Variants in SRCIN1 observed in about 807,000 individuals in gnomAD.
SRCIN1 encodes SRC kinase signaling inhibitor 1.
In SRCIN1, 50 loss-of-function variants were observed where a neutral mutation model predicts 116.2. The ratio of observed to expected loss-of-function variants is 0.43; its 90% CI spans 0.34 to 0.54. The LOEUF (loss-of-function observed/expected upper bound fraction) is 0.54, where lower values mean the gene tolerates loss of function less well. Among genes scored for constraint, SRCIN1 ranks in the 20% least tolerant of loss-of-function variants. The probability of loss-of-function intolerance (pLI) is 0.02; values close to 1 mark genes in which losing one functional copy is unlikely to be tolerated. For missense variants in SRCIN1, 1,446 were observed against 1,672.0 expected (o/e 0.86, Z 2.36); for synonymous variants, 736 against 750.0 (o/e 0.98, Z 0.30).
At chr17:38,606,087 T>C (rs1159461653), upstream of SRCIN1, among the ~76,000 whole-genome samples, 2 of 149,030 alleles carry the variant, frequency 1.3e-5, no homozygotes, top group Admixed American at 1.3e-4. The surrounding 1 kb of genome is among the most constrained non-coding windows in gnomAD (Gnocchi z 5.2). Flanking sequence ...CACTGCGCCT[T>C]CTCGCGCCCT....
At chr17:38,576,320 C>T (rs59844294) in intron 2 of SRCIN1, among the ~76,000 whole-genome samples, 13,161 of 152,064 alleles carry the variant, frequency 0.087, 1,906 homozygotes, top group African/African-American at 0.3. Flanking sequence ...CCACAAATCC[C>T]GGCCAGTCGC....
At chr17:38,546,911 G>A (rs555432915) in intron 17 of SRCIN1, among the ~76,000 whole-genome samples, 2 of 85,616 alleles carry the variant, frequency 2.3e-5, no homozygotes, top group African/African-American at 1.3e-4. Context: ...CTTCTCCAGA[G>A]CGGAGCCCCC....
At chr17:38,583,555 T>G (rs7226029) in intron 1 of SRCIN1, among the ~76,000 whole-genome samples, 35 of 73,738 alleles carry the variant, frequency 4.7e-4, no homozygotes, top group African/African-American at 8.8e-4. Context: ...TCTGTTTTTT[T>G]TTTTTTTTTT....
At chr17:38,570,225 G>A (rs939288182) in intron 2 of SRCIN1, among the ~76,000 whole-genome samples, 2 of 152,124 alleles carry the variant, frequency 1.3e-5, no homozygotes, top group African/African-American at 4.8e-5. Context: ...CAGAGACAGA[G>A]ACATTCACAC....
At chr17:38,556,887 C>T (rs1426323541) in intron 11 of SRCIN1, among the ~76,000 whole-genome samples, 1 of 152,108 alleles carries the variant, frequency 6.6e-6, no homozygotes, top group South Asian at 2.1e-4. Context: ...TTTAGATCTC[C>T]TTTAATTTTC....
intron 1 of SRCIN1, among the ~76,000 whole-genome samples, chr17:38,590,175 G>A (rs11871591): frequency 0.017 from 2,616 of 152,264 alleles, 64 homozygotes; most frequent in African/African-American, 0.058. Context: ...CTTGAGTGAC[G>A]AGGGTTAAAC....
rs1555605492 is a variant in SRCIN1 at position 38,543,900 on chromosome 17, C to T, written c.3340G>A (p.Gly1114Ser). The T allele has an allele frequency of 6.2e-7, 1 of 1,606,074 alleles. No individual in the cohort carries two copies. Among genetic ancestry groups the T allele is most frequent in the Non-Finnish European group, 8.5e-7 (1 of 1,179,546 alleles). The change falls in exon 18 of 19, where the codon GGC becomes AGC. Residue 1114 changes from glycine (G) to serine (S), a missense_variant. By Grantham distance (56) the Gly-to-Ser change is moderately conservative (BLOSUM62 0). Transcript: ENST00000617146. ...PGASRLKAAQGQAGSPDKSKH... is the reference protein window; with the variant it reads ...PGASRLKAAQSQAGSPDKSKH... ...CTTTTGTCGGGGCTGCCCGCCTGGC[C>T]CTGGGCCGCCTTCAGCCGAGAGGCC...
At position 38,562,920 on chromosome 17, in the gene SRCIN1, C is replaced by T. The variant is rs1334856706; in HGVS notation, c.741G>A (p.Arg247=). The change falls in exon 6 of 19, where the codon CGG becomes CGA. Residue 247 remains arginine (R), a splice_region_variant and synonymous_variant. Coordinates refer to ENST00000617146, the MANE Select transcript of SRCIN1 (RefSeq NM_025248.3). This position sits in a 1 kb window ranked among gnomAD's most constrained non-coding sequence, Gnocchi z 4.2. ...TGATAATACTGCGGTCCTGGATGTCCCTGGGAGAGGCGGGGAGACGGGGGT... is the reference window on the plus strand; with the variant it reads ...TGATAATACTGCGGTCCTGGATGTCTCTGGGAGAGGCGGGGAGACGGGGGT... ...RNVFYELEDV[R]DIQDRSIIKI... 1 of 1,612,960 alleles carries T rather than the reference C, an allele frequency of 6.2e-7. No homozygotes were observed. The highest frequency in any genetic ancestry group is 1.3e-5 in the African/African-American group (1 of 74,902).
intron 1 of SRCIN1, among the ~76,000 whole-genome samples, chr17:38,584,171 G>A (rs1196823846): frequency 2.0e-5 from 3 of 152,148 alleles, no homozygotes; most frequent in East Asian, 1.9e-4. Context: ...AGAGAGAGAC[G>A]GAGGCAGGGA....
At chr17:38,583,593 C>A (rs1247568283) in intron 1 of SRCIN1, among the ~76,000 whole-genome samples, 1 of 135,982 alleles carries the variant, frequency 7.4e-6, no homozygotes, top group Admixed American at 8.0e-5. Flanking sequence ...CACTCTATGG[C>A]CCAGGCTGGA....
chr17:38,558,362 G>A lies in SRCIN1; in HGVS notation c.2066C>T (p.Thr689Met), dbSNP rs1284369836. Reference sequence around the variant, plus strand: ...CACGCGCATGCTCAGCTCTGCCTCCGTGCGCTTCAGCAGCGCGCGCACCGA... The same window carrying A: ...CACGCGCATGCTCAGCTCTGCCTCCATGCGCTTCAGCAGCGCGCGCACCGA... ...QESVRALLKR[T>M]EAELSMRVSE... The change falls in exon 11 of 19, where the codon ACG (threonine) becomes ATG (methionine). Residue 689 changes from threonine to methionine, a missense_variant. By Grantham distance (81) the Thr-to-Met change is moderately conservative. Around this residue, in one of 5 missense-constraint regions of SRCIN1, gnomAD observed 398 missense variants for 385.6 expected, o/e 1.03. Transcript: ENST00000617146. This position sits in a 1 kb window ranked among gnomAD's most constrained non-coding sequence, Gnocchi z 4.6. 1.9e-6 allele frequency: 3 copies of A among 1,607,154 alleles called. No individual in the cohort carries two copies. Among genetic ancestry groups the A allele is most frequent in the Non-Finnish European group, 1.7e-6 (2 of 1,179,382 alleles).
chr17:38,568,799 T>C lies in SRCIN1; in HGVS notation c.325-568A>G, dbSNP rs908635781. Among the ~76,000 whole-genome samples the C allele has an allele frequency of 6.6e-6, 1 of 151,758 alleles. No homozygotes were observed. The highest frequency in any genetic ancestry group is 6.6e-5 in the Admixed American group (1 of 15,240). ...TGGGAGGCTGAGGCCAGATGATGAGTGGTCATAACTGCTGAGAGAAAGTAT... is the reference window on the plus strand; with the variant it reads ...TGGGAGGCTGAGGCCAGATGATGAGCGGTCATAACTGCTGAGAGAAAGTAT... On this transcript the variant is annotated intron_variant, in intron 2 of 18. Transcript: ENST00000617146. The surrounding 1 kb of genome is among the most constrained non-coding windows in gnomAD (Gnocchi z 4.5).
chr17:38,588,430 C>T (rs150216582), intron 1 of SRCIN1, among the ~76,000 whole-genome samples: 57 of 152,332 alleles, frequency 3.7e-4, no homozygotes, highest in Admixed American at 2.2e-3. Flanking sequence ...ACTGCTCACG[C>T]GCCCAGGGAA....
rs1349847687 is a variant in SRCIN1, at chr17:38,562,101, G to T, written c.1062C>A (p.Gly354=). 1 of 1,420,740 alleles carries T rather than the reference G, an allele frequency of 7.0e-7. No individual in the cohort carries two copies. The highest frequency in any genetic ancestry group is 1.4e-5 in the South Asian group (1 of 69,278). 88.0% of individuals were successfully genotyped at this position (1,420,740 alleles called of 1,614,324 possible). ...GGCTGACGCCCTGGGCGGCCGGGGC[G>T]CCTCCCAGCCTCTCGGCCGCGTGGT... ...PVHHAAERLG[G]APAAQGVSPS... is the part of the protein sequence containing the mutation. Residue 354 remains glycine, a synonymous_variant, in exon 7 of 19, where the codon GGC becomes GGA. Transcript: ENST00000617146. The surrounding 1 kb of genome is among the most constrained non-coding windows in gnomAD (Gnocchi z 4.2).
chr17:38,561,637 A>G lies in SRCIN1; in HGVS notation c.1526T>C (p.Phe509Ser). The change falls in exon 7 of 19, where the codon TTC (phenylalanine) becomes TCC (serine). Residue 509 changes from phenylalanine (F) to serine (S), a missense_variant. Physicochemically the swap from Phe to Ser is radical, Grantham distance 155. Around this residue, in one of 5 missense-constraint regions of SRCIN1, gnomAD observed 398 missense variants for 385.6 expected, o/e 1.03. Transcript: ENST00000617146. The part of the protein sequence containing the change: ...PSRGSPVRQS[F>S]RKDSGSSSVF... ...GGACGAGGAGCCCGAGTCCTTGCGG[A>G]AGGACTGGCGCACTGGCGAGCCGCG... The G allele has an allele frequency of 6.3e-7, 1 of 1,577,040 alleles. No homozygotes were observed. Among genetic ancestry groups the G allele is most frequent in the South Asian group, 1.1e-5 (1 of 88,250 alleles).
chr17:38,584,796 C>T (rs1908027403), intron 1 of SRCIN1, among the ~76,000 whole-genome samples: 1 of 152,166 alleles, frequency 6.6e-6, no homozygotes, highest in South Asian at 2.1e-4. Flanking sequence ...CTGGCTGCCC[C>T]TGGGCAACAT....
intron 1 of SRCIN1, among the ~76,000 whole-genome samples, chr17:38,598,224 G>T (rs1908825245): frequency 6.6e-6 from 1 of 152,134 alleles, no homozygotes; most frequent in South Asian, 2.1e-4. Flanking sequence ...GGCCAGCCTG[G>T]TCACTGGGTG....
rs377754181 is a variant in SRCIN1 at position 38,552,450 on chromosome 17, C to T, written c.2477G>A (p.Arg826Gln). 20 of 1,599,782 alleles carry T rather than the reference C, an allele frequency of 1.3e-5. No homozygotes were observed. Among genetic ancestry groups the T allele is most frequent in the South Asian group, 2.3e-5 (2 of 88,870 alleles). Residue 826 changes from arginine (R) to glutamine (Q), a missense_variant, in exon 13 of 19, where the codon CGA becomes CAA. Physicochemically the swap from Arg to Gln is conservative, Grantham distance 43. This residue lies in a region of SRCIN1 where 531 missense variants were observed against 633.9 expected (regional missense o/e 0.84). Coordinates refer to ENST00000617146, the MANE Select transcript of SRCIN1 (RefSeq NM_025248.3). The surrounding 1 kb of genome is among the most constrained non-coding windows in gnomAD (Gnocchi z 5.3). ...RGVTDTLAQI[R>Q]RQVDEGVWPP... ...CAGAGGTCAGGGACAGAATGACCTT[C>T]GGATCTGGGCCAGCGTGTCCGTGAC...
chr17:38,533,106 A>AAAC lies in SRCIN1; in HGVS notation c.*190_*191insGTT, dbSNP rs1555603734. ...TAAAAGTTAATTGTTAAAAAAAAAA[A>AAAC]AAAAAACAAAACCAAAAACACCAAC... On this transcript the variant is annotated 3_prime_UTR_variant, in exon 19 of 19. Coordinates refer to ENST00000617146, the MANE Select transcript of SRCIN1 (RefSeq NM_025248.3). 7.2e-5 allele frequency: 32 copies of AAAC among 443,122 alleles called. No homozygotes were observed. The highest frequency in any genetic ancestry group is 7.4e-5 in the Non-Finnish European group (21 of 284,584). 27.4% of individuals were successfully genotyped at this position (443,122 alleles called of 1,614,324 possible). A position where few individuals can be genotyped will look rare whatever the true frequency, so the allele number is the denominator to read the frequency against.
Sources: allele counts gnomAD v4.1 joint callset (sites outside exome capture counted in the v4.1 genomes callset), GRCh38; gene constraint gnomAD v4.1.1; regional missense constraint gnomAD v4.1.1; non-coding constraint Gnocchi (gnomAD v3.1); transcripts MANE v1.5; gene names NCBI Gene and HGNC (gene_info 2026-07-23, HGNC 2026-07-21).